PEBP4: variants seen among roughly 807,000 people sequenced by gnomAD.
The protein encoded by PEBP4 is phosphatidylethanolamine-binding protein 4.
PEBP4 carries 22 observed loss-of-function variants against 23.9 expected under a neutral mutation model. The ratio of observed to expected loss-of-function variants is 0.92; its 90% CI spans 0.66 to 1.31. The LOEUF (loss-of-function observed/expected upper bound fraction) is 1.31, where lower values mean the gene tolerates loss of function less well. Ranked by LOEUF, PEBP4 falls within the 40% of genes most tolerant of loss-of-function variation. The pLI is 0.00. For missense variants in PEBP4, 324 were observed against 281.7 expected, an observed-to-expected ratio of 1.15 and a Z score of -1.07; for synonymous variants, 112 against 99.3, an observed-to-expected ratio of 1.13 and a Z score of -0.76.
At chr8:22,913,578 T>C (rs1391499804) in intron 3 of PEBP4, among the ~76,000 whole-genome samples, 1 of 151,532 alleles carries the variant, frequency 6.6e-6, no homozygotes, top group East Asian at 1.9e-4. Context: ...CTGCCCACTA[T>C]CCCCTTCCTC....
chr8:22,838,537 C>T (rs764864886), intron 3 of PEBP4, among the ~76,000 whole-genome samples: 1 of 152,256 alleles, frequency 6.6e-6, no homozygotes, highest in Non-Finnish European at 1.5e-5. Context: ...TCAAGACCAG[C>T]TCAGCAGACC....
chr8:22,757,052 A>G (rs1469456149), intron 4 of PEBP4: 2 of 152,282 alleles, frequency 1.3e-5, no homozygotes, highest in Non-Finnish European at 2.9e-5. Context: ...ATCTGGAGAC[A>G]GTTCATGGAG....
Position 22,933,144 on chromosome 8 carries a change from C to T in PEBP4, c.145-5424G>A, listed in dbSNP as rs142002052. 4.6e-5 allele frequency among the ~76,000 whole-genome samples: 7 copies of T among 152,326 alleles called. No homozygotes were observed. In the East Asian group the frequency reaches 1.3e-3, roughly 29 times the overall value. ...CTCAAAGAAGGAGAGCCAGACCCAT[C>T]ATGTGCAATGCTCTAATCTGTCTGG... On this transcript the variant is annotated intron_variant, in intron 1 of 1. Transcript: ENST00000522278.
rs33995327 is a variant in PEBP4, at chr8:22,810,877, T to TGAGAGAGAGAGAGA, written c.357+6746_357+6759dup. ...GGTGGAGCACAGAATCTCAGAGTGC[T>TGAGAGAGAGAGAGA]GAGAGAGAGAGAGAGAGAGAGAGAG... On this transcript the variant is annotated intron_variant, in intron 4 of 6. Transcript: ENST00000256404. Among the ~76,000 whole-genome samples, 34 of 137,240 alleles carry TGAGAGAGAGAGAGA rather than the reference T, an allele frequency of 2.5e-4. 1 individual carries two copies. Among genetic ancestry groups the TGAGAGAGAGAGAGA allele is most frequent in the African/African-American group, 8.7e-4 (31 of 35,716 alleles). The allele number at this position is 137,240 out of a possible 152,430, so 90.0% of individuals were successfully genotyped here. A position where few individuals can be genotyped will look rare whatever the true frequency, so the allele number is the denominator to read the frequency against.
At chr8:22,902,853 G>C (rs1808738060) in intron 3 of PEBP4, among the ~76,000 whole-genome samples, 1 of 152,208 alleles carries the variant, frequency 6.6e-6, no homozygotes, top group Non-Finnish European at 1.5e-5. Context: ...GACATACCTG[G>C]AACTTTTCCA....
In PEBP4 at chr8:22,793,972, C is replaced by A. The variant is rs998857532; in HGVS notation, c.357+23665G>T. On this transcript the variant is annotated intron_variant, in intron 4 of 6. Coordinates refer to ENST00000256404, the MANE Select transcript of PEBP4 (RefSeq NM_144962.3). ...TTTTATTTATTTATTTTTTTAAAAA[C>A]CAAAACAAAAGTCAAACATTGCCAA... Among the ~76,000 whole-genome samples the A allele has an allele frequency of 9.2e-5, 14 of 152,146 alleles. No individual in the cohort carries two copies. In the East Asian group the frequency reaches 1.2e-3, roughly 13 times the overall value.
chr8:22,782,705 G>A (rs1027053807), intron 4 of PEBP4, among the ~76,000 whole-genome samples: 1 of 152,160 alleles, frequency 6.6e-6, no homozygotes, highest in African/African-American at 2.4e-5. Context: ...ATTTCCCTAG[G>A]GAGAGCCCGA....
At chr8:22,889,050 C>T (rs1480923575) in intron 3 of PEBP4, among the ~76,000 whole-genome samples, 1 of 152,200 alleles carries the variant, frequency 6.6e-6, no homozygotes. Flanking sequence ...TTTGTCTTCT[C>T]AAGTGGATCA....
chr8:22,830,146 T>TGTGTGTGTG (rs56204367), intron 3 of PEBP4, among the ~76,000 whole-genome samples: 3 of 150,728 alleles, frequency 2.0e-5, no homozygotes, highest in Non-Finnish European at 3.0e-5. Context: ...TGTGTGTGTG[T>TGTGTGTGTG]TTTTACGGAG....
intron 2 of PEBP4, among the ~76,000 whole-genome samples, chr8:22,924,221 A>C (rs1333347473): frequency 6.6e-6 from 1 of 152,164 alleles, no homozygotes; most frequent in Non-Finnish European, 1.5e-5. Flanking sequence ...AAACTTAGCC[A>C]GGTGTGGTGG....
chr8:22,810,877 T>TGA (rs33995327), intron 4 of PEBP4, among the ~76,000 whole-genome samples: 26,053 of 136,976 alleles, frequency 0.19, 2,736 homozygotes, highest in African/African-American at 0.32. Context: ...CTCAGAGTGC[T>TGA]GAGAGAGAGA....
chr8:22,717,748 G>C (rs1804444046), intron 6 of PEBP4, among the ~76,000 whole-genome samples: 1 of 152,146 alleles, frequency 6.6e-6, no homozygotes, highest in African/African-American at 2.4e-5. Context: ...TGGCCTCGCT[G>C]CCTCTCCTCT....
chr8:22,899,860 T>A (rs1252524604), intron 3 of PEBP4, among the ~76,000 whole-genome samples: 1 of 152,162 alleles, frequency 6.6e-6, no homozygotes, highest in Non-Finnish European at 1.5e-5. Flanking sequence ...ACCAGGAATG[T>A]TTTATTTGCC....
chr8:22,887,194 G>A (rs967556773), intron 3 of PEBP4: 7 of 151,866 alleles, frequency 4.6e-5, no homozygotes, highest in African/African-American at 1.7e-4. Context: ...TGTTGCTCAG[G>A]TGGAAGTGCA....
chr8:22,778,966 C>A (rs761391356), intron 4 of PEBP4, among the ~76,000 whole-genome samples: 8 of 152,008 alleles, frequency 5.3e-5, no homozygotes, highest in Non-Finnish European at 1.0e-4. Flanking sequence ...ATTAAGCACT[C>A]AGCCTGTCTG....
intron 3 of PEBP4, among the ~76,000 whole-genome samples, chr8:22,869,442 C>T (rs552945720): frequency 2.0e-5 from 3 of 152,142 alleles, no homozygotes; most frequent in African/African-American, 4.8e-5. Flanking sequence ...GTGCCGGGCA[C>T]AGTGCAAGTG....
At chr8:22,772,137 G>A (rs1805728626) in intron 4 of PEBP4, among the ~76,000 whole-genome samples, 1 of 152,236 alleles carries the variant, frequency 6.6e-6, no homozygotes, top group African/African-American at 2.4e-5. Context: ...TGTAATCATT[G>A]TCTCACTTAA....
chr8:22,714,293 G>A (rs1804369019), intron 6 of PEBP4, among the ~76,000 whole-genome samples: 1 of 152,224 alleles, frequency 6.6e-6, no homozygotes, highest in Non-Finnish European at 1.5e-5. Context: ...GGGGCATGGA[G>A]TGAGGCTGAG....
chr8:22,940,145 G>C (rs1048294710), intron 1 of PEBP4, among the ~76,000 whole-genome samples: 11 of 152,234 alleles, frequency 7.2e-5, no homozygotes, highest in African/African-American at 2.7e-4. Flanking sequence ...TGCAGGGACA[G>C]AGTCAATCTC....
Sources: allele counts gnomAD v4.1 joint callset (sites outside exome capture counted in the v4.1 genomes callset), GRCh38; gene constraint gnomAD v4.1.1; transcripts MANE v1.5; gene names NCBI Gene and HGNC (gene_info 2026-07-23, HGNC 2026-07-21).